Variants in SAE1 observed in about 807,000 individuals in gnomAD.
SAE1 encodes the protein SUMO-activating enzyme subunit 1.
Under a neutral mutation model 40.6 loss-of-function variants are expected in SAE1, and 11 were observed. The observed-to-expected ratio is 0.27, with a 90% CI of 0.17 to 0.45. The LOEUF (loss-of-function observed/expected upper bound fraction) is 0.45. Ranked by LOEUF, SAE1 falls within the 20% of genes least tolerant of loss-of-function variation. The pLI is 1.00. For synonymous variants in SAE1, 155 were observed against 154.3 expected (o/e 1.00, Z -0.03); for missense variants, 373 against 427.3 (o/e 0.87, Z 1.12).
intron 6 of SAE1, among the ~76,000 whole-genome samples, chr19:47,175,628 C>T (rs2058464611): frequency 6.6e-6 from 1 of 152,156 alleles, no homozygotes; most frequent in Non-Finnish European, 1.5e-5. Context: ...GTCCCAGCTA[C>T]TTGGGAGGCT....
intron 6 of SAE1, among the ~76,000 whole-genome samples, chr19:47,193,245 G>A (rs1457059668): frequency 1.3e-5 from 2 of 151,804 alleles, no homozygotes; most frequent in Non-Finnish European, 2.9e-5. Context: ...ATTTTTAGTA[G>A]AGATGGGGTT....
chr19:47,180,983 GT>G (rs201311883), intron 6 of SAE1, among the ~76,000 whole-genome samples: 1 of 151,906 alleles, frequency 6.6e-6, no homozygotes, highest in African/African-American at 2.4e-5. Flanking sequence ...ATAGAGGAAG[GT>G]TTTTTTTCTT....
intron 6 of SAE1, among the ~76,000 whole-genome samples, chr19:47,184,787 TTTTTG>T (rs1321682255): frequency 1.4e-5 from 2 of 147,790 alleles, no homozygotes; most frequent in South Asian, 2.2e-4. Context: ...GTTTTTTTTG[TTTTTG>T]TTTTGTTTTT....
intron 6 of SAE1, among the ~76,000 whole-genome samples, chr19:47,189,274 G>A (rs1279651398): frequency 6.6e-6 from 1 of 152,136 alleles, no homozygotes; most frequent in Non-Finnish European, 1.5e-5. Flanking sequence ...AGCCAACCTG[G>A]GGGCTGGGCG....
At position 47,140,083 on chromosome 19, in the gene SAE1, G is replaced by A. The variant is rs13313713; in HGVS notation, c.99-3411G>A. Among the ~76,000 whole-genome samples, 349 of 149,392 alleles carry A rather than the reference G, an allele frequency of 2.3e-3. 2 individuals are homozygous for A. The highest frequency in any genetic ancestry group is 8.2e-3 in the African/African-American group (334 of 40,654). The stretch of plus-strand genomic sequence containing the variant: ...TTCCCGAGTAGCTGAGATTACAGGC[G>A]CCTGCCACCACTCCCGGCTAATTTT... On this transcript the variant is annotated intron_variant, in intron 1 of 8. Transcript: ENST00000270225.
intron 6 of SAE1, among the ~76,000 whole-genome samples, chr19:47,173,900 T>G (rs2058451330): frequency 1.3e-5 from 2 of 151,466 alleles, no homozygotes; most frequent in South Asian, 2.1e-4. Flanking sequence ...TTCTCCTGCC[T>G]CAGCCTCCCG....
rs184520278 is a variant in SAE1, at chr19:47,146,103, G to C, written c.210+2498G>C. Among the ~76,000 whole-genome samples the C allele has an allele frequency of 8.5e-5, 13 of 152,208 alleles. No homozygotes were observed. The East Asian group carries it at 2.5e-3, about 29-fold the overall frequency. On this transcript the variant is annotated intron_variant, in intron 2 of 8. Transcript: ENST00000270225. ...CAGGGGACATAGCAGTGTCACAAAG[G>C]CACCCTACAGTGTGGTAGAAATGGA... is the stretch of plus-strand genomic sequence containing the variant.
intron 6 of SAE1, 47 bp from the exon 7 acceptor site, chr19:47,197,181 CAAAAA>C: frequency 7.2e-7 from 1 of 1,383,220 alleles, no homozygotes; most frequent in Non-Finnish European, 9.7e-7. Flanking sequence ...CCTCCATCTC[CAAAAA>C]AAAAAAAAAG....
intron 1 of SAE1, among the ~76,000 whole-genome samples, chr19:47,137,862 C>T (rs557324023): frequency 1.3e-4 from 19 of 151,064 alleles, no homozygotes; most frequent in Non-Finnish European, 2.7e-4. Context: ...TGGAGTAGCT[C>T]GGATTACAGG....
intron 6 of SAE1, among the ~76,000 whole-genome samples, chr19:47,190,020 C>A (rs960969517): frequency 6.6e-6 from 1 of 152,164 alleles, no homozygotes; most frequent in Non-Finnish European, 1.5e-5. Context: ...CTATAAATAA[C>A]GTGAAACCGT....
intron 1 of SAE1, among the ~76,000 whole-genome samples, chr19:47,133,849 ATTTGTTTTTTTTG>A (rs1388100049): frequency 6.7e-6 from 1 of 148,822 alleles, no homozygotes; most frequent in Non-Finnish European, 1.5e-5. Context: ...TAGGTTTCAG[ATTTGTTTTTTTTG>A]TTTGTTTTTT....
chr19:47,137,719 G>T (rs1391003208), intron 1 of SAE1, among the ~76,000 whole-genome samples: 1 of 144,988 alleles, frequency 6.9e-6, no homozygotes, highest in Non-Finnish European at 1.5e-5. Context: ...GTGTGTGTGT[G>T]TGTGTGTGTT....
At chr19:47,147,988 C>G (rs2058265092) in intron 2 of SAE1, among the ~76,000 whole-genome samples, 2 of 151,788 alleles carry the variant, frequency 1.3e-5, no homozygotes, top group Non-Finnish European at 2.9e-5. Flanking sequence ...TCTCGATCTC[C>G]TGACCTCGTG....
intron 1 of SAE1, among the ~76,000 whole-genome samples, chr19:47,138,290 C>G (rs1430111635): frequency 5.9e-5 from 9 of 152,074 alleles, no homozygotes. Context: ...GTGATCTACC[C>G]GCCTCAGCCT....
intron 6 of SAE1, among the ~76,000 whole-genome samples, chr19:47,179,904 C>G (rs569284449): frequency 6.6e-6 from 1 of 151,474 alleles, no homozygotes; most frequent in African/African-American, 2.4e-5. Flanking sequence ...TCTGAAACTA[C>G]TTACTGTTCT....
intron 8 of SAE1, among the ~76,000 whole-genome samples, chr19:47,208,704 C>T (rs1211804409): frequency 2.0e-5 from 3 of 152,070 alleles, no homozygotes; most frequent in Non-Finnish European, 2.9e-5. Context: ...GGATTACAGG[C>T]GTGAGCCACT....
intron 4 of SAE1, among the ~76,000 whole-genome samples, chr19:47,154,282 G>T (rs1461632158): frequency 6.6e-6 from 1 of 150,776 alleles, no homozygotes; most frequent in Non-Finnish European, 1.5e-5. Flanking sequence ...GCAGAGACGG[G>T]GTTTCACTAT....
At chr19:47,174,299 C>CTTTTTT (rs766044817) in intron 6 of SAE1, among the ~76,000 whole-genome samples, 9 of 130,270 alleles carry the variant, frequency 6.9e-5, no homozygotes, top group Non-Finnish European at 1.2e-4. Context: ...TTTTCTTTTT[C>CTTTTTT]TTTTTTTTTT....
intron 2 of SAE1, among the ~76,000 whole-genome samples, chr19:47,146,564 G>A (rs1349582031): frequency 6.6e-6 from 1 of 152,146 alleles, no homozygotes; most frequent in African/African-American, 2.4e-5. Flanking sequence ...GCTAGGCACT[G>A]TTCTCAGAGC....
Sources: allele counts gnomAD v4.1 joint callset (sites outside exome capture counted in the v4.1 genomes callset), GRCh38; gene constraint gnomAD v4.1.1; transcripts MANE v1.5; gene names NCBI Gene and HGNC (gene_info 2026-07-23, HGNC 2026-07-21).